The following EPB41L1 variants were observed in gnomAD, a reference collection of about 807,000 sequenced individuals.
EPB41L1 encodes the protein band 4.1-like protein 1.
Under a neutral mutation model 97.8 loss-of-function variants are expected in EPB41L1, and 29 were observed. The observed-to-expected ratio is 0.30, with a 90% CI of 0.22 to 0.40. The LOEUF is 0.40. EPB41L1 is among the 10% of genes least tolerant of loss of function. The pLI is 1.00. For synonymous variants in EPB41L1, 383 were observed against 459.2 expected, an observed-to-expected ratio of 0.83 and a Z score of 2.12; for missense variants, 812 against 1,162.3, an observed-to-expected ratio of 0.70 and a Z score of 4.38.
intron 2 of EPB41L1, among the ~76,000 whole-genome samples, chr20:36,135,832 A>G (rs1652309234): frequency 6.6e-6 from 1 of 152,188 alleles, no homozygotes; most frequent in Non-Finnish European, 1.5e-5. Flanking sequence ...GGGGTGAGGT[A>G]GGTTCTCCCA....
chr20:36,223,248 G>T (rs1011250115), intron 21 of EPB41L1, among the ~76,000 whole-genome samples: 2 of 151,612 alleles, frequency 1.3e-5, no homozygotes, highest in Non-Finnish European at 2.9e-5. Context: ...TGGCCAGGCT[G>T]GTATCAAACT....
chr20:36,184,143 G>A (rs546020239), intron 6 of EPB41L1, among the ~76,000 whole-genome samples: 75 of 152,240 alleles, frequency 4.9e-4, no homozygotes, highest in African/African-American at 1.8e-3. Flanking sequence ...GCTGAGACAG[G>A]AGAATCGCTT....
chr20:36,103,377 G>A (rs1264337093), intron 1 of EPB41L1, among the ~76,000 whole-genome samples: 1 of 152,184 alleles, frequency 6.6e-6, no homozygotes, highest in Non-Finnish European at 1.5e-5. Flanking sequence ...CATGTCACTG[G>A]CAGGCCATGG....
chr20:36,176,482 T>C (rs1407072041), intron 3 of EPB41L1, among the ~76,000 whole-genome samples: 2 of 152,184 alleles, frequency 1.3e-5, no homozygotes, highest in African/African-American at 4.8e-5. Context: ...TCCTTGCTAC[T>C]GAGATATATA....
intron 14 of EPB41L1, among the ~76,000 whole-genome samples, chr20:36,200,431 A>C (rs763881932): frequency 9.2e-5 from 14 of 151,874 alleles, no homozygotes; most frequent in Non-Finnish European, 1.6e-4. Flanking sequence ...CATCTGGGCC[A>C]AGGGGAAAAC....
chr20:36,116,949 T>C (rs971801008), intron 2 of EPB41L1, among the ~76,000 whole-genome samples: 5 of 152,154 alleles, frequency 3.3e-5, no homozygotes, highest in African/African-American at 1.2e-4. Flanking sequence ...TCACAGTGAG[T>C]CAGGGGTTTT....
chr20:36,154,382 AGGACCAGGGTGGG>A (rs970314933), upstream of EPB41L1, among the ~76,000 whole-genome samples: 2 of 151,190 alleles, frequency 1.3e-5, no homozygotes, highest in Non-Finnish European at 3.0e-5. This position sits in a 1 kb window ranked among gnomAD's most constrained non-coding sequence, Gnocchi z 5.5. Flanking sequence ...GGGGCTGGCT[AGGACCAGGGTGGG>A]GGCAGCCGGG....
At chr20:36,197,508 A>T (rs543869306) in intron 13 of EPB41L1, 2 of 379,126 alleles carry the variant, frequency 5.3e-6, no homozygotes, top group Middle Eastern at 1.3e-3. Flanking sequence ...CACCTCTGTG[A>T]CTAAGACCGG....
rs2062151561 is a variant in EPB41L1 at position 36,195,445 on chromosome 20, G to C, written c.1485+81G>C. 2 of 1,523,700 alleles carry C rather than the reference G, an allele frequency of 1.3e-6. No individual in the cohort carries two copies. The highest frequency in any genetic ancestry group is 3.4e-5 in the Admixed American group (2 of 59,472). The allele number at this position is 1,523,700 out of a possible 1,614,324, so 94.4% of individuals were successfully genotyped here. On this transcript the variant is annotated intron_variant, in intron 13 of 21. Transcript: ENST00000338074. This position sits in a 1 kb window ranked among gnomAD's most constrained non-coding sequence, Gnocchi z 4.6. ...GTCACCATCCCACAGTCCATCCCAG[G>C]CTCACTTCCCTGGCACCATCTCAGC...
chr20:36,228,617 A>T (rs2064322446), intron 21 of EPB41L1, among the ~76,000 whole-genome samples: 1 of 152,240 alleles, frequency 6.6e-6, no homozygotes, highest in African/African-American at 2.4e-5. Flanking sequence ...AAACTCACCC[A>T]AGATTACAGA....
At chr20:36,134,257 C>T (rs539796699) in intron 2 of EPB41L1, among the ~76,000 whole-genome samples, 5 of 152,228 alleles carry the variant, frequency 3.3e-5, no homozygotes, top group South Asian at 2.1e-4. Context: ...CAAGAAATAG[C>T]GATGGTGAAA....
chr20:36,155,933 C>T (rs1171504879), intron 1 of EPB41L1, among the ~76,000 whole-genome samples: 3 of 150,226 alleles, frequency 2.0e-5, no homozygotes, highest in Non-Finnish European at 4.4e-5. Flanking sequence ...GCATTAGGAG[C>T]CTTCCAGAAT....
intron 1 of EPB41L1, chr20:36,155,290 T>A: frequency 4.8e-6 from 2 of 413,762 alleles, no homozygotes; most frequent in South Asian, 1.7e-5. Flanking sequence ...CCTGGGATGC[T>A]GGCGAGCCCT....
Position 36,214,340 on chromosome 20 carries a change from ACTC to A in EPB41L1, c.2185-10_2185-8del, listed in dbSNP as rs751332206. ...TACCCAGCTCTCCCCAGCTCTAACG[ACTC>A]CTCCTCTGGTCAGCAGGTTGATGGG... On this transcript the variant is annotated splice_polypyrimidine_tract_variant and intron_variant, in intron 16 of 21. Coordinates refer to ENST00000338074, the MANE Select transcript of EPB41L1 (RefSeq NM_012156.2). 1.6e-5 allele frequency: 25 copies of A among 1,610,428 alleles called. No individual in the cohort carries two copies. Among genetic ancestry groups the A allele is most frequent in the East Asian group, 2.2e-5 (1 of 44,780 alleles).
At chr20:36,202,005 C>T (rs1305291239) in intron 14 of EPB41L1, among the ~76,000 whole-genome samples, 1 of 152,194 alleles carries the variant, frequency 6.6e-6, no homozygotes, top group Non-Finnish European at 1.5e-5. Flanking sequence ...AAACATAAGT[C>T]ATACTTCTAC....
intron 1 of EPB41L1, among the ~76,000 whole-genome samples, chr20:36,101,620 C>T (rs1289174736): frequency 6.6e-6 from 1 of 152,180 alleles, no homozygotes; most frequent in East Asian, 1.9e-4. Flanking sequence ...CACCCCACCC[C>T]ATTCCCCTCC....
At chr20:36,122,514 A>G (rs1569059236) in intron 2 of EPB41L1, among the ~76,000 whole-genome samples, 2 of 152,154 alleles carry the variant, frequency 1.3e-5, no homozygotes, top group East Asian at 3.9e-4. Context: ...TTTGCTACTC[A>G]GCTCTGGCAC....
intron 1 of EPB41L1, among the ~76,000 whole-genome samples, chr20:36,095,885 G>A (rs994739855): frequency 1.1e-4 from 17 of 152,160 alleles, no homozygotes; most frequent in Admixed American, 2.0e-4. Flanking sequence ...ATTTAGCCGG[G>A]CATGGTGGCA....
intron 2 of EPB41L1, among the ~76,000 whole-genome samples, chr20:36,132,666 G>A (rs1442177263): frequency 6.6e-6 from 1 of 151,244 alleles, no homozygotes; most frequent in African/African-American, 2.4e-5. Context: ...TGTACCACTA[G>A]CCTCCAAGAT....
Sources: gnomAD v4.1 joint callset for allele counts (sites outside exome capture counted in the v4.1 genomes callset) on GRCh38, gnomAD v4.1.1 for gene constraint, Gnocchi (gnomAD v3.1) non-coding constraint, MANE v1.5 for transcripts, NCBI Gene and HGNC (gene_info 2026-07-23, HGNC 2026-07-21) for gene names.